VAV2: variants seen among roughly 807,000 people sequenced by gnomAD.
The protein encoded by VAV2 is guanine nucleotide exchange factor VAV2.
VAV2 carries 67 observed loss-of-function variants against 132.5 expected under a neutral mutation model. That is an observed-to-expected ratio of 0.51 (90% CI 0.42 to 0.62). The LOEUF is 0.62. Among genes scored for constraint, VAV2 ranks in the 20% least tolerant of loss-of-function variants. The pLI is 0.00. For missense variants in VAV2, 938 were observed against 1,153.6 expected (o/e 0.81, Z 2.71); for synonymous variants, 492 against 443.5 (o/e 1.11, Z -1.37).
At chr9:133,878,152 G>T (rs565880434) in intron 2 of VAV2, among the ~76,000 whole-genome samples, 1 of 152,176 alleles carries the variant, frequency 6.6e-6, no homozygotes, top group Middle Eastern at 3.2e-3. Context: ...ACTCTCCGCC[G>T]GCCTGCGTCT....
In VAV2 at chr9:133,946,724, G is replaced by A. The variant is rs4285539; in HGVS notation, c.205-7505C>T. On this transcript the variant is annotated intron_variant, in intron 1 of 29. Coordinates refer to ENST00000371850, the MANE Select transcript of VAV2 (RefSeq NM_001134398.2). ...GATGTCTTTGATCAATAAAAAAATG[G>A]GAAAACAAATTAATTTCCTGTTTTA... 5.2e-3 allele frequency among the ~76,000 whole-genome samples: 786 copies of A among 152,226 alleles called. 6 individuals carry two copies. The highest frequency in any genetic ancestry group is 0.018 in the African/African-American group (735 of 41,546).
chr9:133,899,748 G>A (rs1366706018), intron 2 of VAV2, among the ~76,000 whole-genome samples: 2 of 149,488 alleles, frequency 1.3e-5, no homozygotes, highest in Admixed American at 6.6e-5. Context: ...TGTGCCGGGC[G>A]TGGTGGCTCA....
chr9:133,812,923 G>A (rs921172020), intron 4 of VAV2, among the ~76,000 whole-genome samples: 3 of 152,278 alleles, frequency 2.0e-5, no homozygotes, highest in Non-Finnish European at 2.9e-5. Context: ...TCTTGCAGAC[G>A]CTCGTGTACT....
intron 1 of VAV2, among the ~76,000 whole-genome samples, chr9:133,954,497 C>G (rs1400472415): frequency 6.6e-6 from 1 of 152,274 alleles, no homozygotes; most frequent in Admixed American, 6.5e-5. Flanking sequence ...CGCAGTGAAT[C>G]TGAGTGAAAT....
chr9:133,839,557 T>A (rs899757412), intron 3 of VAV2, among the ~76,000 whole-genome samples: 5 of 151,920 alleles, frequency 3.3e-5, no homozygotes, highest in Admixed American at 2.6e-4. Context: ...TTCAAGTGAT[T>A]CCCCTGTCTC....
intron 4 of VAV2, among the ~76,000 whole-genome samples, chr9:133,812,479 A>T (rs1197312206): frequency 1.3e-5 from 2 of 152,100 alleles, no homozygotes; most frequent in Non-Finnish European, 2.9e-5. Context: ...AGGACAAAGA[A>T]CCCACTTCTC....
chr9:133,913,557 C>T (rs2132050562), intron 2 of VAV2, among the ~76,000 whole-genome samples: 1 of 152,376 alleles, frequency 6.6e-6, no homozygotes, highest in East Asian at 1.9e-4. Flanking sequence ...GGTAAAAAAC[C>T]AAAGGCAGAG....
At chr9:133,910,112 C>A (rs1229184191) in intron 2 of VAV2, among the ~76,000 whole-genome samples, 1 of 152,182 alleles carries the variant, frequency 6.6e-6, no homozygotes, top group East Asian at 1.9e-4. Flanking sequence ...GCTTCCCCCA[C>A]CCCAGCCCTC....
intron 4 of VAV2, among the ~76,000 whole-genome samples, chr9:133,813,834 G>C (rs1471981604): frequency 6.6e-6 from 1 of 152,228 alleles, no homozygotes; most frequent in Non-Finnish European, 1.5e-5. Context: ...CCGACCCATG[G>C]GCAAGCCCCT....
At position 133,783,489 on chromosome 9, in the gene VAV2, A is replaced by G. The variant is rs1249971574; in HGVS notation, c.1723+14T>C. Reference sequence around the variant, plus strand: ...GGCCAGGGACTGGGGTGGGGGGGTGAGGGGGGTACTCACTGAACTTGCAGG... The same window carrying G: ...GGCCAGGGACTGGGGTGGGGGGGTGGGGGGGGTACTCACTGAACTTGCAGG... On this transcript the variant is annotated intron_variant, in intron 19 of 29. Coordinates refer to ENST00000371850, the MANE Select transcript of VAV2 (RefSeq NM_001134398.2). 9 of 1,591,444 alleles carry G rather than the reference A, an allele frequency of 5.7e-6. No homozygotes were observed. Among genetic ancestry groups the G allele is most frequent in the African/African-American group, 3.0e-5 (2 of 67,260 alleles).
At chr9:133,838,331 G>C (rs1836552149) in intron 3 of VAV2, among the ~76,000 whole-genome samples, 1 of 151,570 alleles carries the variant, frequency 6.6e-6, no homozygotes, top group Non-Finnish European at 1.5e-5. Flanking sequence ...CCTGGCGCTA[G>C]AAAGGCATGG....
intron 1 of VAV2, among the ~76,000 whole-genome samples, chr9:133,987,908 T>C (rs1842905972): frequency 1.3e-5 from 2 of 152,200 alleles, no homozygotes; most frequent in South Asian, 4.1e-4. Context: ...AATGACCAGG[T>C]GGGCAACTGG....
At chr9:133,893,256 C>T (rs1191775307) in intron 2 of VAV2, among the ~76,000 whole-genome samples, 1 of 152,090 alleles carries the variant, frequency 6.6e-6, no homozygotes, top group African/African-American at 2.4e-5. Context: ...ACACAAAGGC[C>T]CCACAGCTGC....
In VAV2 at chr9:133,897,234, T is replaced by C. The variant is rs561950232; in HGVS notation, c.322-35802A>G. Among the ~76,000 whole-genome samples, 173 of 152,326 alleles carry C rather than the reference T, an allele frequency of 1.1e-3. 4 individuals are homozygous for C. The highest frequency in any genetic ancestry group is 4.0e-3 in the African/African-American group (167 of 41,546). The stretch of plus-strand genomic sequence containing the variant: ...TGACACTCGGGAAGAAAGCCGCTCC[T>C]TTGAGCAGCAGCAAGAGACTAAGTC... On this transcript the variant is annotated intron_variant, in intron 2 of 29. Transcript: ENST00000371850.
intron 3 of VAV2, among the ~76,000 whole-genome samples, chr9:133,836,223 G>A (rs1292118303): frequency 6.6e-6 from 1 of 152,226 alleles, no homozygotes; most frequent in Non-Finnish European, 1.5e-5. Context: ...CCCACACGCA[G>A]GTGACCCCAG....
chr9:133,781,004 C>T (rs942144739), intron 19 of VAV2, among the ~76,000 whole-genome samples: 3 of 152,204 alleles, frequency 2.0e-5, no homozygotes, highest in Non-Finnish European at 4.4e-5. Context: ...CCCGCCTGGG[C>T]CACCTCTTTT....
chr9:133,976,792 A>G (rs966486870), intron 1 of VAV2, among the ~76,000 whole-genome samples: 2 of 152,220 alleles, frequency 1.3e-5, no homozygotes, highest in Non-Finnish European at 1.5e-5. Context: ...AGGTTCATCC[A>G]CAGATATTCT....
intron 2 of VAV2, among the ~76,000 whole-genome samples, chr9:133,889,442 C>T (rs1445329267): frequency 6.6e-6 from 1 of 152,088 alleles, no homozygotes; most frequent in African/African-American, 2.4e-5. Flanking sequence ...CAGTGATCTG[C>T]GGTCCTCGGT....
chr9:133,933,837 T>C (rs1351255096), intron 2 of VAV2, among the ~76,000 whole-genome samples: 1 of 139,002 alleles, frequency 7.2e-6, no homozygotes, highest in East Asian at 2.3e-4. Context: ...GATGGATGGA[T>C]GGATGGTGGA....
Sources: allele counts gnomAD v4.1 joint callset (sites outside exome capture counted in the v4.1 genomes callset), GRCh38; gene constraint gnomAD v4.1.1; transcripts MANE v1.5; gene names NCBI Gene and HGNC (gene_info 2026-07-23, HGNC 2026-07-21).